The following SHQ1 variants were observed in gnomAD, a reference collection of about 807,000 sequenced individuals.
SHQ1 encodes SHQ1, H/ACA ribonucleoprotein assembly factor, also known as protein SHQ1 homolog.
A neutral mutation model predicts 53.8 loss-of-function variants in SHQ1; 49 were observed. The observed-to-expected ratio is 0.91, with a 90% confidence interval of 0.72 to 1.16. The LOEUF (loss-of-function observed/expected upper bound fraction) is 1.16, where lower values mean the gene tolerates loss of function less well. Ranked by LOEUF, SHQ1 falls within the 50% of genes most tolerant of loss-of-function variation. The probability of loss-of-function intolerance (pLI) is 0.00; values close to 1 mark genes in which losing one functional copy is unlikely to be tolerated. For synonymous variants in SHQ1, 243 were observed against 251.0 expected, an observed-to-expected ratio of 0.97 and a Z score of 0.30; for missense variants, 738 against 683.1, an observed-to-expected ratio of 1.08 and a Z score of -0.90.
chr3:72,753,581 G>A (rs1444551041), intron 10 of SHQ1: 1 of 985,270 alleles, frequency 1.0e-6, no homozygotes, highest in Non-Finnish European at 1.2e-6. Flanking sequence ...TGGGACAAGG[G>A]CAGTCACCAT....
the SHQ1 span, among the ~76,000 whole-genome samples, chr3:72,729,181 G>C: frequency 6.6e-6 from 1 of 152,222 alleles, no homozygotes; most frequent in East Asian, 1.9e-4. Context: ...TGTGCCAGGA[G>C]CATAAATAGT....
chr3:72,751,460 T>C (rs182553053), intron 10 of SHQ1, among the ~76,000 whole-genome samples: 3 of 144,970 alleles, frequency 2.1e-5, no homozygotes, highest in African/African-American at 7.8e-5. Flanking sequence ...GGGTAATATA[T>C]CTATAATAAG....
At chr3:72,759,828 C>T (rs944402698) in intron 10 of SHQ1, among the ~76,000 whole-genome samples, 1 of 152,128 alleles carries the variant, frequency 6.6e-6, no homozygotes, top group Admixed American at 6.5e-5. Context: ...TCAAAAACAG[C>T]AAAGAATGAA....
the SHQ1 span, among the ~76,000 whole-genome samples, chr3:72,741,851 T>C: frequency 6.6e-6 from 1 of 152,076 alleles, no homozygotes; most frequent in Non-Finnish European, 1.5e-5. Flanking sequence ...AAAAATAATA[T>C]AGTATACTAA....
intron 9 of SHQ1, among the ~76,000 whole-genome samples, chr3:72,805,695 A>G (rs936642610): frequency 1.3e-5 from 2 of 152,182 alleles, no homozygotes; most frequent in Non-Finnish European, 2.9e-5. Context: ...AGGTCAGCTG[A>G]CTTGAAGCCA....
intron 6 of SHQ1, among the ~76,000 whole-genome samples, chr3:72,824,181 G>T (rs913678920): frequency 6.6e-6 from 1 of 151,960 alleles, no homozygotes; most frequent in Non-Finnish European, 1.5e-5. Context: ...AATTATAAAA[G>T]AACTCCAATG....
Position 72,833,261 on chromosome 3 carries a change from A to T in SHQ1, c.487-780T>A, listed in dbSNP as rs368635245. On this transcript the variant is annotated intron_variant, in intron 4 of 10. Transcript: ENST00000325599. ...GTTCGAACCACCCTGGGCAACATGG[A>T]GAAACCCCATCTCCACAAAAAATAC... 1.4e-4 allele frequency among the ~76,000 whole-genome samples: 21 copies of T among 152,086 alleles called. No homozygotes were observed. The East Asian group carries it at 3.9e-3, about 28-fold the overall frequency.
chr3:72,833,828 TTG>T (rs1707912022), intron 4 of SHQ1, among the ~76,000 whole-genome samples: 1 of 152,242 alleles, frequency 6.6e-6, no homozygotes, highest in Non-Finnish European at 1.5e-5. Context: ...ACTCCTAAAA[TTG>T]TGTCTTTTTT....
the SHQ1 span, among the ~76,000 whole-genome samples, chr3:72,730,898 GA>G: frequency 6.7e-6 from 1 of 148,440 alleles, no homozygotes; most frequent in African/African-American, 2.5e-5. Flanking sequence ...ATCATCCTCT[GA>G]AAAATGGCTT....
chr3:72,757,215 T>A (rs980955635), intron 10 of SHQ1, among the ~76,000 whole-genome samples: 2 of 152,172 alleles, frequency 1.3e-5, no homozygotes, highest in East Asian at 3.8e-4. Flanking sequence ...ATACTGAGAC[T>A]AGAGCCCACA....
intron 10 of SHQ1, among the ~76,000 whole-genome samples, chr3:72,783,370 T>TC: frequency 6.8e-6 from 1 of 147,204 alleles, no homozygotes; most frequent in East Asian, 1.9e-4. Flanking sequence ...ACACTTTTTT[T>TC]TTTTTTTTTT....
chr3:72,833,495 T>TAGAC (rs1353844648), intron 4 of SHQ1, among the ~76,000 whole-genome samples: 37 of 53,144 alleles, frequency 7.0e-4, no homozygotes, highest in African/African-American at 2.5e-3. Context: ...GATAGATAGA[T>TAGAC]AGATAGACAG....
At chr3:72,754,654 T>C (rs1705463892) in intron 10 of SHQ1, among the ~76,000 whole-genome samples, 1 of 152,154 alleles carries the variant, frequency 6.6e-6, no homozygotes, top group African/African-American at 2.4e-5. Context: ...GTGCTGGGAT[T>C]ACAGGCATGA....
intron 10 of SHQ1, among the ~76,000 whole-genome samples, chr3:72,758,116 G>A: frequency 6.6e-6 from 1 of 152,186 alleles, no homozygotes; most frequent in South Asian, 2.1e-4. Context: ...CTGGCTTTAA[G>A]TAGAAGTTGC....
chr3:72,760,357 A>G (rs1705581913), intron 10 of SHQ1, among the ~76,000 whole-genome samples: 1 of 152,224 alleles, frequency 6.6e-6, no homozygotes. Context: ...TTTGACTACC[A>G]TCGCGTTTCT....
At chr3:72,812,089 A>AACGAGTGTTTGTCTTTTC (rs1450640459) in intron 9 of SHQ1, among the ~76,000 whole-genome samples, 3 of 152,236 alleles carry the variant, frequency 2.0e-5, no homozygotes, top group Non-Finnish European at 4.4e-5. Flanking sequence ...CCTTAAAGCT[A>AACGAGTGTTTGTCTTTTC]ACGAGTGTTT....
At chr3:72,803,461 T>C (rs1330424268) in intron 9 of SHQ1, among the ~76,000 whole-genome samples, 2 of 152,154 alleles carry the variant, frequency 1.3e-5, no homozygotes, top group East Asian at 3.9e-4. Context: ...GTGAGCCAAC[T>C]ATATCAGCTA....
chr3:72,843,215 T>G (rs1253399629), intron 2 of SHQ1, among the ~76,000 whole-genome samples: 2 of 152,158 alleles, frequency 1.3e-5, no homozygotes, highest in African/African-American at 4.8e-5. Context: ...GGTAATAGCT[T>G]AGAATTAACC....
rs756066122 is a variant in SHQ1, at chr3:72,757,427, A to C, written c.1182-6591T>G. Among the ~76,000 whole-genome samples the C allele has an allele frequency of 5.0e-4, 69 of 137,472 alleles. No individual in the cohort carries two copies. In the Middle Eastern group the frequency reaches 0.011, roughly 23 times the overall value. The allele number at this position is 137,472 out of a possible 152,430, so 90.2% of individuals were successfully genotyped here. Reference sequence around the variant, plus strand: ...AAGATGGGGTCTCACTGCATTGCCCAGGCTGGAGACCAGTAGTCAAAGGAG... The same window carrying C: ...AAGATGGGGTCTCACTGCATTGCCCCGGCTGGAGACCAGTAGTCAAAGGAG... On this transcript the variant is annotated intron_variant, in intron 10 of 10. Coordinates refer to ENST00000325599, the MANE Select transcript of SHQ1 (RefSeq NM_018130.3).
Sources: allele counts gnomAD v4.1 joint callset (sites outside exome capture counted in the v4.1 genomes callset), GRCh38; gene constraint gnomAD v4.1.1; transcripts MANE v1.5; gene names NCBI Gene and HGNC (gene_info 2026-07-23, HGNC 2026-07-21).